Variants in CPQ observed in about 807,000 individuals in gnomAD.
CPQ encodes the protein Ser-Met dipeptidase.
In CPQ, 37 loss-of-function variants were observed where a neutral mutation model predicts 45.7. The ratio of observed to expected loss-of-function variants is 0.81; its 90% CI spans 0.62 to 1.07. CPQ has a LOEUF of 1.07. Ranked by LOEUF, CPQ falls within the 50% of genes least tolerant of loss-of-function variation. CPQ has a pLI of 0.00. For synonymous variants in CPQ, 186 were observed against 205.8 expected (o/e 0.90, Z 0.82); for missense variants, 537 against 572.9 (o/e 0.94, Z 0.64).
At chr8:96,842,513 C>T (rs1811625801) in intron 3 of CPQ, among the ~76,000 whole-genome samples, 1 of 69,168 alleles carries the variant, frequency 1.4e-5, no homozygotes, top group South Asian at 5.1e-4. Context: ...ATCATTCATG[C>T]AGGTGGGGCC....
chr8:97,031,432 C>T (rs376197380), intron 6 of CPQ, among the ~76,000 whole-genome samples: 6 of 152,078 alleles, frequency 3.9e-5, no homozygotes, highest in Middle Eastern at 3.4e-3. Context: ...GTGATCTGCC[C>T]GCCTCGGCCT....
intron 7 of CPQ, among the ~76,000 whole-genome samples, chr8:97,101,744 C>T (rs146114309): frequency 6.6e-5 from 10 of 151,910 alleles, no homozygotes; most frequent in East Asian, 1.9e-4. Flanking sequence ...GATAGTTCTA[C>T]GAAAGTTTCA....
chr8:96,695,903 A>G (rs1336915524), intron 1 of CPQ, among the ~76,000 whole-genome samples: 2 of 149,454 alleles, frequency 1.3e-5, no homozygotes, highest in South Asian at 2.1e-4. Context: ...GGGATCTAGA[A>G]CTAGAAATAT....
chr8:96,815,226 GAGAT>G (rs750902706), intron 2 of CPQ, among the ~76,000 whole-genome samples: 1 of 152,044 alleles, frequency 6.6e-6, no homozygotes, highest in Non-Finnish European at 1.5e-5. Flanking sequence ...ATGGTAGGAG[GAGAT>G]AGATCTTTCA....
At chr8:97,053,973 G>A (rs1228990923) in intron 6 of CPQ, among the ~76,000 whole-genome samples, 1 of 151,976 alleles carries the variant, frequency 6.6e-6, no homozygotes, top group Non-Finnish European at 1.5e-5. Context: ...GACAGTTTGG[G>A]GCCCAAACAA....
At chr8:96,922,925 A>G (rs1357811193) in intron 4 of CPQ, among the ~76,000 whole-genome samples, 1 of 142,878 alleles carries the variant, frequency 7.0e-6, no homozygotes, top group Non-Finnish European at 1.5e-5. Context: ...TACCAGTGTC[A>G]GAATAGTCAG....
intron 5 of CPQ, among the ~76,000 whole-genome samples, chr8:97,021,530 C>A (rs772907859): frequency 6.6e-6 from 1 of 152,088 alleles, no homozygotes; most frequent in African/African-American, 2.4e-5. Flanking sequence ...ACAAAATTAA[C>A]GTACAGAAAT....
chr8:96,761,321 C>G (rs1163035137), intron 1 of CPQ: 3 of 152,252 alleles, frequency 2.0e-5, no homozygotes, highest in East Asian at 3.9e-4. Flanking sequence ...GACAGAGAAG[C>G]TGTCTTGTAG....
chr8:96,996,642 G>T (rs1043596815), intron 5 of CPQ, among the ~76,000 whole-genome samples: 16 of 151,922 alleles, frequency 1.1e-4, no homozygotes, highest in Non-Finnish European at 1.9e-4. Flanking sequence ...TATGAATATT[G>T]TTCTTAATTT....
chr8:96,694,629 A>G (rs1429692150), intron 1 of CPQ, among the ~76,000 whole-genome samples: 4 of 152,166 alleles, frequency 2.6e-5, no homozygotes, highest in Admixed American at 2.6e-4. Flanking sequence ...GGAACTTTGG[A>G]AACAACAAAC....
intron 1 of CPQ, among the ~76,000 whole-genome samples, chr8:96,658,853 T>C (rs1035207127): frequency 3.3e-5 from 5 of 152,174 alleles, no homozygotes; most frequent in Non-Finnish European, 5.9e-5. Flanking sequence ...GGAAATAGAT[T>C]CTCTCCTAAA....
intron 1 of CPQ, among the ~76,000 whole-genome samples, chr8:96,670,601 G>C (rs1357537094): frequency 1.3e-5 from 2 of 152,046 alleles, no homozygotes; most frequent in Non-Finnish European, 2.9e-5. Context: ...AGCTTTATTT[G>C]TAATAGCCAA....
intron 5 of CPQ, among the ~76,000 whole-genome samples, chr8:97,015,463 G>T (rs751141529): frequency 1.6e-4 from 25 of 151,612 alleles, no homozygotes; most frequent in Non-Finnish European, 2.8e-4. Flanking sequence ...CCAGGCATCG[G>T]ATATAAACTT....
intron 1 of CPQ, among the ~76,000 whole-genome samples, chr8:96,727,059 T>G (rs1030473321): frequency 6.6e-6 from 1 of 152,224 alleles, no homozygotes; most frequent in Non-Finnish European, 1.5e-5. Context: ...GTTATTGCTG[T>G]TGAGTACAGT....
At chr8:96,872,550 AT>A (rs1812085596) in intron 3 of CPQ, among the ~76,000 whole-genome samples, 1 of 151,940 alleles carries the variant, frequency 6.6e-6, no homozygotes. Context: ...AAAATTCTTA[AT>A]ATTTATAATT....
At chr8:97,014,934 C>CTGTT (rs1809553943) in intron 5 of CPQ, among the ~76,000 whole-genome samples, 1 of 152,046 alleles carries the variant, frequency 6.6e-6, no homozygotes, top group Non-Finnish European at 1.5e-5. Context: ...TTCATATTTG[C>CTGTT]TGTTTGGTGT....
intron 2 of CPQ, among the ~76,000 whole-genome samples, chr8:96,798,856 CCTT>C (rs374195879): frequency 1.5e-3 from 228 of 152,148 alleles, no homozygotes; most frequent in African/African-American, 5.4e-3. Context: ...GAAAAACTGA[CCTT>C]CTCCATGGTA....
intron 3 of CPQ, among the ~76,000 whole-genome samples, chr8:96,877,679 T>C (rs1197365895): frequency 6.6e-6 from 1 of 152,216 alleles, no homozygotes; most frequent in African/African-American, 2.4e-5. Flanking sequence ...ATGTATACTA[T>C]CTCTTTTATT....
At chr8:96,729,853 G>T (rs1042607410) in intron 1 of CPQ, among the ~76,000 whole-genome samples, 1 of 144,296 alleles carries the variant, frequency 6.9e-6, no homozygotes, top group Non-Finnish European at 1.5e-5. Context: ...ATGTGTGTGT[G>T]TTTGTGTGTG....
Sources: allele counts gnomAD v4.1 joint callset (sites outside exome capture counted in the v4.1 genomes callset), GRCh38; gene constraint gnomAD v4.1.1; transcripts MANE v1.5; gene names NCBI Gene and HGNC (gene_info 2026-07-23, HGNC 2026-07-21).